The following F5 variants were observed in gnomAD, a reference collection of about 807,000 sequenced individuals.
F5 encodes activated protein c cofactor.
F5 carries 138 observed loss-of-function variants against 216.4 expected under a neutral mutation model. That is an observed-to-expected ratio of 0.64 (90% CI 0.56 to 0.73). The LOEUF (loss-of-function observed/expected upper bound fraction) is 0.73. Among genes scored for constraint, F5 ranks in the 30% least tolerant of loss-of-function variants. The pLI is 0.00. For synonymous variants in F5, 916 were observed against 930.7 expected (o/e 0.98, Z 0.29); for missense variants, 2,403 against 2,674.0 (o/e 0.90, Z 2.24).
At chr1:169,584,774 T>A (rs928117157) in intron 1 of F5, among the ~76,000 whole-genome samples, 4 of 152,198 alleles carry the variant, frequency 2.6e-5, no homozygotes, top group African/African-American at 9.7e-5. Flanking sequence ...TTAAACAATA[T>A]GACAGTTTGT....
Position 169,536,692 on chromosome 1 carries a change from A to C in F5, c.4797-12T>G, listed in dbSNP as rs1557912643. 6.3e-7 allele frequency: 1 copy of C among 1,594,122 alleles called. No homozygotes were observed. Among genetic ancestry groups the C allele is most frequent in the Non-Finnish European group, 8.6e-7 (1 of 1,162,296 alleles). ...CAATATCTGTTTCCCTGAAATAATA[A>C]TACTATTTGTGTAAAAGAAGAAATT... is the stretch of plus-strand genomic sequence containing the variant. On this transcript the variant is annotated splice_polypyrimidine_tract_variant and intron_variant, in intron 13 of 24. Coordinates refer to ENST00000367797, the MANE Select transcript of F5 (RefSeq NM_000130.5).
rs780259518 is a variant in F5, at chr1:169,543,035, G to A, written c.2055C>T (p.Ile685=). ...LRLKFRDVKC[I]PDDDEDSYEI... ...CATATGAGTCTTCATCATCATCTGG[G>A]ATACATTTAACATCCCTGAATTTCA... The change falls in exon 13 of 25, where the codon ATC becomes ATT. Residue 685 remains isoleucine, a synonymous_variant. Coordinates refer to ENST00000367797, the MANE Select transcript of F5 (RefSeq NM_000130.5). The A allele has an allele frequency of 4.3e-6, 7 of 1,613,918 alleles. No homozygotes were observed. The South Asian group carries it at 6.6e-5, about 15-fold the overall frequency.
At chr1:169,571,990 G>A (rs1312236283) in intron 3 of F5, among the ~76,000 whole-genome samples, 1 of 152,052 alleles carries the variant, frequency 6.6e-6, no homozygotes, top group African/African-American at 2.4e-5. Flanking sequence ...TAGATAACTT[G>A]CCCTCCCAAA....
At chr1:169,574,382 T>A (rs1660795522) in intron 2 of F5, among the ~76,000 whole-genome samples, 1 of 152,318 alleles carries the variant, frequency 6.6e-6, no homozygotes, top group Non-Finnish European at 1.5e-5. Flanking sequence ...TGCTCCTTGG[T>A]GATCTTGATG....
intron 14 of F5, among the ~76,000 whole-genome samples, chr1:169,534,258 C>T (rs140217668): frequency 0.012 from 1,837 of 152,272 alleles, 27 homozygotes; most frequent in South Asian, 0.026. Flanking sequence ...CCAAAGCTCC[C>T]GGCTGAATAA....
At chr1:169,516,607 G>A (rs1659160627) in intron 23 of F5, among the ~76,000 whole-genome samples, 1 of 152,162 alleles carries the variant, frequency 6.6e-6, no homozygotes, top group Non-Finnish European at 1.5e-5. Context: ...TGACATCTGG[G>A]TGGTATCTTA....
intron 9 of F5, 117 bp downstream of exon 9, chr1:169,550,523 C>A: frequency 2.6e-6 from 2 of 781,168 alleles, no homozygotes; most frequent in Non-Finnish European, 2.3e-6. Flanking sequence ...TAGGATACTC[C>A]TACATGTATA....
intron 3 of F5, among the ~76,000 whole-genome samples, chr1:169,562,492 T>C (rs1660505871): frequency 6.6e-6 from 1 of 152,116 alleles, no homozygotes; most frequent in Non-Finnish European, 1.5e-5. Flanking sequence ...ATGGTTGAAT[T>C]TAAAACTGCC....
rs1660292185 is a variant in F5, at chr1:169,555,288, T to A, written c.1012A>T (p.Lys338Ter). 1.9e-6 allele frequency: 3 copies of A among 1,614,026 alleles called. No individual in the cohort carries two copies. The highest frequency in any genetic ancestry group is 2.5e-6 in the Non-Finnish European group (3 of 1,180,018). Residue 338 changes from lysine to a stop codon, truncating the protein, a stop_gained, in exon 7 of 25, where the codon AAA (lysine) becomes TAA (stop). Coordinates refer to ENST00000367797, the MANE Select transcript of F5 (RefSeq NM_000130.5). LOFTEE classifies it high-confidence loss of function. ...TGCCGCCTCTGCTCACGAGTTATTT[T>A]CTTAAGATTCCTGGTTTTCTTTGGG... Reference protein sequence around the residue: ...NCPKKTRNLKKITREQRRHMK... With the variant: ...NCPKKTRNLK
At chr1:169,562,052 G>T (rs1249833710) in intron 3 of F5, among the ~76,000 whole-genome samples, 4 of 150,030 alleles carry the variant, frequency 2.7e-5, no homozygotes, top group African/African-American at 9.8e-5. Flanking sequence ...GGTATAATTT[G>T]CATATAATAA....
intron 22 of F5, 54 bp from the exon 23 acceptor site, chr1:169,518,617 T>C: frequency 6.5e-7 from 1 of 1,535,050 alleles, no homozygotes; most frequent in Non-Finnish European, 9.0e-7. Flanking sequence ...CCTGCATGGC[T>C]TCATGCACTG....
chr1:169,522,477 G>A (rs1659332780), intron 21 of F5, among the ~76,000 whole-genome samples: 1 of 152,058 alleles, frequency 6.6e-6, no homozygotes, highest in African/African-American at 2.4e-5. Context: ...TGATTAGTAA[G>A]AACCATAATT....
intron 19 of F5, 137 bp downstream of exon 19, chr1:169,524,700 G>T: frequency 1.3e-6 from 1 of 771,062 alleles, no homozygotes; most frequent in Non-Finnish European, 2.3e-6. Context: ...AAATGGAGCT[G>T]CTTCACTACA....
chr1:169,559,427 A>T, intron 4 of F5, 131 bp from the exon 5 acceptor site: 2 of 921,802 alleles, frequency 2.2e-6, no homozygotes, highest in African/African-American at 1.6e-5. Context: ...CTTATTTTTT[A>T]AAATAGCATA....
chr1:169,523,781 A>G lies in F5; in HGVS notation c.5892+20T>C, dbSNP rs769546453. The G allele has an allele frequency of 1.3e-6, 2 of 1,550,292 alleles. No homozygotes were observed. The highest frequency in any genetic ancestry group is 2.2e-5 in the East Asian group (1 of 44,584). On this transcript the variant is annotated intron_variant, in intron 20 of 24. Coordinates refer to ENST00000367797, the MANE Select transcript of F5 (RefSeq NM_000130.5). Reference sequence around the variant, plus strand: ...TATTATTACGATAGCAGTAAATATTATCAGTCTATTAAGACAAACCTGGAT... The same window carrying G: ...TATTATTACGATAGCAGTAAATATTGTCAGTCTATTAAGACAAACCTGGAT...
At chr1:169,553,525 G>C (rs1660226798) in intron 7 of F5, among the ~76,000 whole-genome samples, 1 of 152,122 alleles carries the variant, frequency 6.6e-6, no homozygotes, top group Non-Finnish European at 1.5e-5. Context: ...TGGCTAACAC[G>C]GTGAAACCCC....
At chr1:169,553,777 T>C (rs1054364110) in intron 7 of F5, among the ~76,000 whole-genome samples, 10 of 152,016 alleles carry the variant, frequency 6.6e-5, no homozygotes, top group African/African-American at 2.4e-4. Flanking sequence ...AGAATGGCGA[T>C]GATTGAAAAG....
At chr1:169,556,904 T>G (rs1320629497) in intron 5 of F5, 37 bp from the exon 6 acceptor site, 2 of 1,563,438 alleles carry the variant, frequency 1.3e-6, no homozygotes, top group Admixed American at 1.7e-5. Flanking sequence ...AAAATAAGCA[T>G]TCAGTCAAGT....
Position 169,542,006 on chromosome 1 carries a change from C to A in F5, c.3084G>T (p.Lys1028Asn). 1.9e-6 allele frequency: 3 copies of A among 1,613,952 alleles called. No individual in the cohort carries two copies. The highest frequency in any genetic ancestry group is 2.5e-6 in the Non-Finnish European group (3 of 1,179,968). Residue 1028 changes from lysine (K) to asparagine (N), a missense_variant, in exon 13 of 25, where the codon AAG (lysine) becomes AAT (asparagine). Physicochemically the swap from Lys to Asn is moderately conservative, Grantham distance 94 (BLOSUM62 0). Transcript: ENST00000367797. Reference sequence around the variant, plus strand: ...GCTTCTCTTTTTTCTTTTTTCGTGTCTTAATGAGAAACTGGCTTTTCTTCA... The same window carrying A: ...GCTTCTCTTTTTTCTTTTTTCGTGTATTAATGAGAAACTGGCTTTTCTTCA... ...SRLKKSQFLI[K>N]TRKKKKEKHT...
Sources: gnomAD v4.1 joint callset for allele counts (sites outside exome capture counted in the v4.1 genomes callset) on GRCh38, gnomAD v4.1.1 for gene constraint, MANE v1.5 for transcripts, NCBI Gene and HGNC (gene_info 2026-07-23, HGNC 2026-07-21) for gene names.